Variants in ANK2 observed in about 807,000 individuals in gnomAD.
ANK2 encodes ankyrin-2.
Under a neutral mutation model 360.5 loss-of-function variants are expected in ANK2, and 83 were observed. The ratio of observed to expected loss-of-function variants is 0.23; its 90% CI spans 0.19 to 0.28. The LOEUF is 0.28. ANK2 is among the 10% of genes least tolerant of loss of function. The pLI, the probability that ANK2 is intolerant of heterozygous loss-of-function variation, is 1.00. For missense variants in ANK2, 4,201 were observed against 4,795.7 expected (o/e 0.88, Z 3.66); for synonymous variants, 1,740 against 1,759.5 (o/e 0.99, Z 0.28).
At chr4:113,051,036 A>C (rs1400437706) in intron 1 of ANK2, among the ~76,000 whole-genome samples, 1 of 152,186 alleles carries the variant, frequency 6.6e-6, no homozygotes, top group African/African-American at 2.4e-5. Flanking sequence ...CAATCTGATA[A>C]CAGGCAAAAG....
chr4:113,150,209 A>T (rs140691904), intron 1 of ANK2, among the ~76,000 whole-genome samples: 45 of 152,194 alleles, frequency 3.0e-4, no homozygotes, highest in Admixed American at 5.9e-4. Context: ...GTTACTATGA[A>T]CCTACCAAGC....
intron 4 of ANK2, among the ~76,000 whole-genome samples, chr4:113,203,339 G>A (rs930992858): frequency 1.3e-5 from 2 of 151,610 alleles, no homozygotes; most frequent in Non-Finnish European, 2.9e-5. Flanking sequence ...TACTTAGAAA[G>A]TTTTTAAAAA....
At chr4:113,363,653 A>C (rs978283891) in intron 40 of ANK2, among the ~76,000 whole-genome samples, 184 bp downstream of exon 40, 1 of 152,172 alleles carries the variant, frequency 6.6e-6, no homozygotes, top group Non-Finnish European at 1.5e-5. Context: ...AAAAAGAATC[A>C]ATTCCCAGCA....
At chr4:113,307,412 CTTTT>C (rs56756321) in intron 23 of ANK2, among the ~76,000 whole-genome samples, 2 of 91,864 alleles carry the variant, frequency 2.2e-5, no homozygotes, top group Non-Finnish European at 4.2e-5. Flanking sequence ...GCCATTCCAC[CTTTT>C]TTTTTTTTTT....
rs34333706 is a variant in ANK2 at position 112,880,062 on chromosome 4, ACT to A, written c.-39-24381_-39-24380del. 7.6e-4 allele frequency among the ~76,000 whole-genome samples: 113 copies of A among 148,398 alleles called. 1 individual carries two copies. Among genetic ancestry groups the A allele is most frequent in the African/African-American group, 1.7e-3 (67 of 40,248 alleles). On this transcript the variant is annotated intron_variant, in intron 1 of 30. Transcript: ENST00000503271. ...GACACAGACACTCACACACACACACACTCTCTCTCTCTCACACACACACACAC... is the reference window on the plus strand; with the variant it reads ...GACACAGACACTCACACACACACACACTCTCTCTCTCACACACACACACAC...
At chr4:113,278,616 A>C in intron 17 of ANK2, 58 bp downstream of exon 17, 1 of 1,530,890 alleles carries the variant, frequency 6.5e-7, no homozygotes, top group Non-Finnish European at 9.0e-7. Flanking sequence ...CTGAAAACAC[A>C]TGAGAATTGT....
chr4:113,249,308 G>A (rs531656279), intron 9 of ANK2, among the ~76,000 whole-genome samples: 10 of 152,254 alleles, frequency 6.6e-5, no homozygotes, highest in Admixed American at 1.3e-4. Flanking sequence ...AAAAAATTAC[G>A]CTAAGAAAAA....
chr4:112,843,085 T>C (rs932015980), intron 1 of ANK2, among the ~76,000 whole-genome samples: 8 of 152,172 alleles, frequency 5.3e-5, no homozygotes, highest in East Asian at 1.9e-4. Flanking sequence ...TTGTATTACA[T>C]TGGGTCCACC....
At chr4:113,058,518 A>T (rs1267599018) in intron 1 of ANK2, among the ~76,000 whole-genome samples, 1 of 152,184 alleles carries the variant, frequency 6.6e-6, no homozygotes, top group Non-Finnish European at 1.5e-5. Context: ...AGAACTATAT[A>T]TGAGAAATTT....
At chr4:113,052,004 G>A (rs1224056747) in intron 1 of ANK2, among the ~76,000 whole-genome samples, 1 of 152,098 alleles carries the variant, frequency 6.6e-6, no homozygotes, top group Non-Finnish European at 1.5e-5. Flanking sequence ...TCCAATATTG[G>A]TGCTTTGCAA....
At chr4:113,076,362 G>T (rs955424219) in intron 1 of ANK2, among the ~76,000 whole-genome samples, 1 of 152,120 alleles carries the variant, frequency 6.6e-6, no homozygotes, top group Admixed American at 6.6e-5. Flanking sequence ...ATTTTCTTTC[G>T]GTATCAGTAT....
the ANK2 span, among the ~76,000 whole-genome samples, chr4:112,756,784 C>T: frequency 6.6e-6 from 1 of 152,046 alleles, no homozygotes; most frequent in South Asian, 2.1e-4. Flanking sequence ...ACCAGCCTGG[C>T]CAACATAGTA....
At chr4:112,723,749 C>G in the ANK2 span, among the ~76,000 whole-genome samples, 1 of 152,110 alleles carries the variant, frequency 6.6e-6, no homozygotes, top group South Asian at 2.1e-4. Flanking sequence ...AGCATTGCCA[C>G]CTAAGAGCAT....
chr4:112,808,730 A>G, the ANK2 span, among the ~76,000 whole-genome samples: 3 of 152,216 alleles, frequency 2.0e-5, no homozygotes, highest in Non-Finnish European at 4.4e-5. Flanking sequence ...TACATAGGCT[A>G]TAATGATTAA....
chr4:113,358,476 G>C lies in ANK2; in HGVS notation c.9858G>C (p.Glu3286Asp), dbSNP rs1458821529. 1.2e-6 allele frequency: 2 copies of C among 1,614,074 alleles called. No individual in the cohort carries two copies. Among genetic ancestry groups the C allele is most frequent in the Non-Finnish European group, 1.7e-6 (2 of 1,179,960 alleles). ...SSPEEQKSVI[E>D]IPTAPMENVP... ...CAGAAGAACAGAAATCAGTAATCGA[G>C]ATTCCTACTGCACCCATGGAGAATG... The change falls in exon 38 of 46, where the codon GAG becomes GAC. Residue 3286 changes from glutamate (E) to aspartate (D), a missense_variant. Coordinates refer to ENST00000357077, the MANE Select transcript of ANK2 (RefSeq NM_001148.6).
chr4:112,831,807 G>A (rs1318003768), intron 1 of ANK2, among the ~76,000 whole-genome samples: 1 of 152,104 alleles, frequency 6.6e-6, no homozygotes, highest in Admixed American at 6.6e-5. Context: ...TGAAGCCAGC[G>A]AGACCACGAA....
intron 31 of ANK2, 123 bp downstream of exon 31, chr4:113,336,904 A>G: frequency 1.1e-6 from 1 of 922,488 alleles, no homozygotes; most frequent in Non-Finnish European, 1.7e-6. Flanking sequence ...CAGGGAATAC[A>G]TTTTAATTAA....
intron 10 of ANK2, among the ~76,000 whole-genome samples, chr4:113,252,499 G>A (rs2153612783): frequency 1.3e-5 from 2 of 152,174 alleles, no homozygotes; most frequent in South Asian, 4.1e-4. Context: ...TCTTATTCTT[G>A]CTGACTTTAA....
the ANK2 span, among the ~76,000 whole-genome samples, chr4:112,716,439 A>C: frequency 6.6e-6 from 1 of 152,158 alleles, no homozygotes; most frequent in African/African-American, 2.4e-5. Context: ...ATGTTAGTGT[A>C]AGTGCTTTCA....
Sources: allele counts gnomAD v4.1 joint callset (sites outside exome capture counted in the v4.1 genomes callset), GRCh38; gene constraint gnomAD v4.1.1; transcripts MANE v1.5; gene names NCBI Gene and HGNC (gene_info 2026-07-23, HGNC 2026-07-21).